CLCC1: variants seen among roughly 807,000 people sequenced by gnomAD.
CLCC1 encodes the protein chloride channel CLIC-like protein 1.
In CLCC1, 39 loss-of-function variants were observed where a neutral mutation model predicts 63.3. That is an observed-to-expected ratio of 0.62 (90% CI 0.48 to 0.81). The LOEUF (loss-of-function observed/expected upper bound fraction) is 0.81. CLCC1 is among the 30% of genes least tolerant of loss of function. CLCC1 has a pLI of 0.00. For synonymous variants in CLCC1, 217 were observed against 239.8 expected, an observed-to-expected ratio of 0.90 and a Z score of 0.88; for missense variants, 549 against 669.4, an observed-to-expected ratio of 0.82 and a Z score of 1.98.
chr1:108,929,687 T>C lies in CLCC1; in HGVS notation c.*2860A>G, dbSNP rs748946684. 4 of 1,612,114 alleles carry C rather than the reference T, an allele frequency of 2.5e-6. No individual in the cohort carries two copies. In the East Asian group the frequency reaches 6.7e-5, roughly 27 times the overall value. On this transcript the variant is annotated 3_prime_UTR_variant, in exon 13 of 13. Transcript: ENST00000369969. ...CCCACAGTATGTCTTTTAATCTCTC[T>C]CATAAACTTCTAGGGATCCAGATTA...
intron 2 of CLCC1, among the ~76,000 whole-genome samples, chr1:108,961,985 A>C (rs1426629463): frequency 6.6e-6 from 1 of 152,202 alleles, no homozygotes; most frequent in Non-Finnish European, 1.5e-5. Context: ...GATCACACAA[A>C]GTAACTTGCC....
Position 108,963,470 on chromosome 1 carries a change from G to A in CLCC1, c.-282C>T. On this transcript the variant is annotated 5_prime_UTR_variant, in exon 1 of 13. The change creates a new upstream start codon in the 5' untranslated region. Transcript: ENST00000369969. ...GGTTTCAGCGTGCTTCCTGGGCCTC[G>A]TCATCGAATTGTTCGGCTGACGGCT... 1 of 702,030 alleles carries A rather than the reference G, an allele frequency of 1.4e-6. No individual in the cohort carries two copies. The highest frequency in any genetic ancestry group is 1.7e-5 in the African/African-American group (1 of 57,384). 43.5% of individuals were successfully genotyped at this position (702,030 alleles called of 1,614,324 possible). A position where few individuals can be genotyped will look rare whatever the true frequency, so the allele number is the denominator to read the frequency against.
chr1:108,941,292 A>G (rs1412940412), intron 8 of CLCC1, 113 bp downstream of exon 8: 7 of 944,068 alleles, frequency 7.4e-6, no homozygotes, highest in Non-Finnish European at 9.7e-6. Flanking sequence ...TTCTTCTGAT[A>G]TTAAAGATTC....
At chr1:108,963,290 G>C (rs1326057673) in intron 1 of CLCC1, 71 bp downstream of exon 1, 1 of 676,556 alleles carries the variant, frequency 1.5e-6, no homozygotes, top group East Asian at 2.8e-5. Context: ...GAGTCCGCTG[G>C]ACCCGCCAGG....
At chr1:108,939,463 C>G (rs566111604) in intron 10 of CLCC1, among the ~76,000 whole-genome samples, 173 bp downstream of exon 10, 1 of 151,386 alleles carries the variant, frequency 6.6e-6, no homozygotes, top group Non-Finnish European at 1.5e-5. Context: ...CCCGCCACCA[C>G]GCCCGGCTAA....
At position 108,931,335 on chromosome 1, in the gene CLCC1, G is replaced by GGAT. The variant is rs1651922465; in HGVS notation, c.*1209_*1211dup. ...CAGATATTGAAGGCAGTTTACAAGG[G>GGAT]GATGATAACAAAGTAACTAACTAAC... is the stretch of plus-strand genomic sequence containing the variant. On this transcript the variant is annotated 3_prime_UTR_variant, in exon 13 of 13. Transcript: ENST00000369969. The GGAT allele has an allele frequency of 6.5e-7, 1 of 1,549,944 alleles. No homozygotes were observed. Among genetic ancestry groups the GGAT allele is most frequent in the Admixed American group, 2.0e-5 (1 of 50,870 alleles).
At position 108,956,610 on chromosome 1, in the gene CLCC1, G is replaced by A. The variant is rs570450845; in HGVS notation, c.-12+5699C>T. Among the ~76,000 whole-genome samples the A allele has an allele frequency of 6.8e-5, 10 of 147,898 alleles. 1 individual carries two copies. Among genetic ancestry groups the A allele is most frequent in the African/African-American group, 1.3e-4 (5 of 38,966 alleles). ...TGGGAGGCGGAAGTTGCAGTGAGGC[G>A]AGATCACACCACTGCACTCCAGCCT... On this transcript the variant is annotated intron_variant, in intron 2 of 12. Coordinates refer to ENST00000369969, the MANE Select transcript of CLCC1 (RefSeq NM_001377458.1).
In CLCC1 at chr1:108,963,476, G is replaced by A. The variant is rs1301975360; in HGVS notation, c.-288C>T. 7.1e-6 allele frequency: 5 copies of A among 701,788 alleles called. No homozygotes were observed. Among genetic ancestry groups the A allele is most frequent in the Admixed American group, 4.0e-5 (2 of 49,994 alleles). The allele number at this position is 701,788 out of a possible 1,614,324, so 43.5% of individuals were successfully genotyped here. A position where few individuals can be genotyped will look rare whatever the true frequency, so the allele number is the denominator to read the frequency against. ...AGCGTGCTTCCTGGGCCTCGTCATCGAATTGTTCGGCTGACGGCTGCGTGT... is the reference window on the plus strand; with the variant it reads ...AGCGTGCTTCCTGGGCCTCGTCATCAAATTGTTCGGCTGACGGCTGCGTGT... On this transcript the variant is annotated 5_prime_UTR_variant, in exon 1 of 13. Coordinates refer to ENST00000369969, the MANE Select transcript of CLCC1 (RefSeq NM_001377458.1).
intron 10 of CLCC1, 146 bp downstream of exon 10, chr1:108,939,490 T>C: frequency 1.8e-6 from 1 of 545,230 alleles, no homozygotes. Flanking sequence ...GTATTTTTTT[T>C]AGTAGAGACA....
intron 8 of CLCC1, 30 bp from the exon 9 acceptor site, chr1:108,940,172 C>T (rs773340908): frequency 4.2e-6 from 6 of 1,438,220 alleles, no homozygotes; most frequent in Non-Finnish European, 5.8e-6. Context: ...AAACACTGAT[C>T]ATTTCTTTTA....
chr1:108,937,376 G>A lies in CLCC1; in HGVS notation c.1084C>T (p.His362Tyr). The change falls in exon 11 of 13, where the codon CAT becomes TAT. Residue 362 changes from histidine (H) to tyrosine (Y), a missense_variant. His to Tyr is a moderately conservative substitution (Grantham distance 83). Coordinates refer to ENST00000369969, the MANE Select transcript of CLCC1 (RefSeq NM_001377458.1). ...GAGKSVHVLR[H>Y]IGGPESEPPQ... is the part of the protein sequence containing the mutation. Reference sequence around the variant, plus strand: ...GGTTCGCTCTCAGGACCGCCTATATGTCTCAGCACATGAACTGATTTTCCA... The same window carrying A: ...GGTTCGCTCTCAGGACCGCCTATATATCTCAGCACATGAACTGATTTTCCA... 1.2e-6 allele frequency: 2 copies of A among 1,613,306 alleles called. No homozygotes were observed. The highest frequency in any genetic ancestry group is 2.7e-5 in the African/African-American group (2 of 75,024).
rs1557886875 is a variant in CLCC1, at chr1:108,931,324, A to C, written c.*1223T>G. On this transcript the variant is annotated 3_prime_UTR_variant, in exon 13 of 13. Coordinates refer to ENST00000369969, the MANE Select transcript of CLCC1 (RefSeq NM_001377458.1). Reference sequence around the variant, plus strand: ...CTTCCTTATCCCAGATATTGAAGGCAGTTTACAAGGGGATGATAACAAAGT... The same window carrying C: ...CTTCCTTATCCCAGATATTGAAGGCCGTTTACAAGGGGATGATAACAAAGT... 1 of 1,548,064 alleles carries C rather than the reference A, an allele frequency of 6.5e-7. No homozygotes were observed. The highest frequency in any genetic ancestry group is 8.7e-7 in the Non-Finnish European group (1 of 1,145,410).
At chr1:108,954,130 C>T (rs941080870) in intron 2 of CLCC1, among the ~76,000 whole-genome samples, 1 of 150,826 alleles carries the variant, frequency 6.6e-6, no homozygotes, top group Admixed American at 6.6e-5. Context: ...AGGCAGAGGG[C>T]AAAGTGTATG....
intron 2 of CLCC1, among the ~76,000 whole-genome samples, chr1:108,954,817 C>CGTGCGTGTGTGTGT (rs1655659777): frequency 7.1e-6 from 1 of 140,520 alleles, no homozygotes; most frequent in African/African-American, 2.8e-5. Context: ...ACTGTCTTTG[C>CGTGCGTGTGTGTGT]GTGTGTGTGT....
At chr1:108,948,463 G>T (rs1237229880) in intron 4 of CLCC1, among the ~76,000 whole-genome samples, 1 of 152,152 alleles carries the variant, frequency 6.6e-6, no homozygotes, top group Admixed American at 6.5e-5. Flanking sequence ...TTTTTTAACG[G>T]AGTGTGGACC....
chr1:108,945,067 T>C (rs531538439), intron 5 of CLCC1, among the ~76,000 whole-genome samples: 1 of 152,344 alleles, frequency 6.6e-6, no homozygotes, highest in African/African-American at 2.4e-5. Flanking sequence ...TATAACCTTG[T>C]TTTATGTGTG....
Position 108,962,056 on chromosome 1 carries a change from A to G in CLCC1, c.-12+253T>C, listed in dbSNP as rs559980501. ...CTGGCTCTACCTAAACTGCCTCTCC[A>G]GGGCAAAAGTACTAATGGCTCTCAG... On this transcript the variant is annotated intron_variant, in intron 2 of 12. Coordinates refer to ENST00000369969, the MANE Select transcript of CLCC1 (RefSeq NM_001377458.1). Among the ~76,000 whole-genome samples the G allele has an allele frequency of 2.4e-4, 36 of 152,304 alleles. 1 individual carries two copies. The South Asian group carries it at 7.0e-3, about 30-fold the overall frequency.
At chr1:108,947,518 A>G (rs1654693100) in intron 5 of CLCC1, 93 bp downstream of exon 5, 1 of 752,160 alleles carries the variant, frequency 1.3e-6, no homozygotes, top group Admixed American at 3.1e-5. Flanking sequence ...TCTGTTAAAA[A>G]GCATCATGAT....
intron 2 of CLCC1, among the ~76,000 whole-genome samples, chr1:108,961,581 C>T (rs892020346): frequency 1.3e-5 from 2 of 152,134 alleles, no homozygotes; most frequent in African/African-American, 4.8e-5. Context: ...AGCTAAAGGC[C>T]GGGCACGGTG....
Sources: gnomAD v4.1 joint callset for allele counts (sites outside exome capture counted in the v4.1 genomes callset) on GRCh38, gnomAD v4.1.1 for gene constraint, MANE v1.5 for transcripts, NCBI Gene and HGNC (gene_info 2026-07-23, HGNC 2026-07-21) for gene names.